Variants in FAM169A observed in about 807,000 individuals in gnomAD.
FAM169A encodes soluble lamin-associated protein of 75 kDa.
In FAM169A, 24 loss-of-function variants were observed where a neutral mutation model predicts 75.7. The ratio of observed to expected loss-of-function variants is 0.32; its 90% CI spans 0.23 to 0.45. The LOEUF is 0.45. Among genes scored for constraint, FAM169A ranks in the 20% least tolerant of loss-of-function variants. FAM169A has a pLI of 1.00. For synonymous variants in FAM169A, 271 were observed against 271.0 expected, an observed-to-expected ratio of 1.00 and a Z score of 0.00; for missense variants, 673 against 784.0, an observed-to-expected ratio of 0.86 and a Z score of 1.69.
chr5:74,853,701 A>ATTTTTTTTTTTTTTT, intron 1 of FAM169A, among the ~76,000 whole-genome samples: 1 of 110,188 alleles, frequency 9.1e-6, no homozygotes. Context: ...CATCTTCAGA[A>ATTTTTTTTTTTTTTT]TTTTTTTTTT....
intron 5 of FAM169A, among the ~76,000 whole-genome samples, chr5:74,821,706 G>A (rs968325088): frequency 1.3e-5 from 2 of 152,154 alleles, no homozygotes; most frequent in African/African-American, 2.4e-5. Flanking sequence ...ACAGTTACAC[G>A]TTCCTGGGAA....
Position 74,842,112 on chromosome 5 carries a change from CA to C in FAM169A, c.-3-434del, listed in dbSNP as rs1216791773. ...GATAGCTGCACAACCCTATAAATTT[CA>C]AAAAAAAAAAAATCTAAAAAAAATC... is the stretch of plus-strand genomic sequence containing the variant. On this transcript the variant is annotated intron_variant, in intron 1 of 12. Coordinates refer to ENST00000687041, the MANE Select transcript of FAM169A (RefSeq NM_001376049.1). 5.7e-3 allele frequency among the ~76,000 whole-genome samples: 795 copies of C among 138,590 alleles called. 4 individuals carry two copies. The highest frequency in any genetic ancestry group is 0.015 in the Middle Eastern group (4 of 270). The allele number at this position is 138,590 out of a possible 152,430, so 90.9% of individuals were successfully genotyped here. A position where few individuals can be genotyped will look rare whatever the true frequency, so the allele number is the denominator to read the frequency against.
intron 1 of FAM169A, among the ~76,000 whole-genome samples, chr5:74,842,817 A>AC (rs1387667672): frequency 6.9e-6 from 1 of 145,560 alleles, no homozygotes; most frequent in African/African-American, 2.6e-5. Context: ...ATATAACATT[A>AC]TGTAGGCAAT....
chr5:74,819,581 A>G (rs1747665161), intron 5 of FAM169A, among the ~76,000 whole-genome samples: 1 of 152,214 alleles, frequency 6.6e-6, no homozygotes, highest in African/African-American at 2.4e-5. Flanking sequence ...GACATGTCCA[A>G]ACAACAACTT....
intron 11 of FAM169A, among the ~76,000 whole-genome samples, chr5:74,784,812 G>C (rs375272137): frequency 2.0e-5 from 3 of 150,444 alleles, no homozygotes; most frequent in Non-Finnish European, 3.0e-5. Context: ...CCAGCTACTC[G>C]GGAGGCTGAG....
intron 11 of FAM169A, among the ~76,000 whole-genome samples, chr5:74,788,201 T>TG (rs1229407767): frequency 6.6e-6 from 1 of 152,220 alleles, no homozygotes; most frequent in Non-Finnish European, 1.5e-5. Context: ...GGTAATCTAA[T>TG]GGAGTTTTAG....
intron 10 of FAM169A, among the ~76,000 whole-genome samples, chr5:74,797,520 A>C (rs537345848): frequency 1.5e-4 from 23 of 152,316 alleles, no homozygotes; most frequent in Admixed American, 1.4e-3. Context: ...AGTTATCCTT[A>C]GCAACATCCC....
At position 74,804,512 on chromosome 5, in the gene FAM169A, G is replaced by T. The variant is rs766649164; in HGVS notation, c.893C>A (p.Ser298Tyr). 1 of 1,595,870 alleles carries T rather than the reference G, an allele frequency of 6.3e-7. No homozygotes were observed. Among genetic ancestry groups the T allele is most frequent in the African/African-American group, 1.3e-5 (1 of 74,672 alleles). ...EYEARTEDNQSSEMQLTIDSL... is the reference protein window; with the variant it reads ...EYEARTEDNQYSEMQLTIDSL... The stretch of plus-strand genomic sequence containing the variant: ...ACCTACAGTTAGCTGCATCTCACTA[G>T]ACTGATTGTCTTCAGTTCTTGCTTC... The change falls in exon 8 of 13, where the codon TCT becomes TAT. Residue 298 changes from serine (S) to tyrosine (Y), a missense_variant. Coordinates refer to ENST00000687041, the MANE Select transcript of FAM169A (RefSeq NM_001376049.1).
At chr5:74,790,316 A>C (rs768111688) in intron 11 of FAM169A, among the ~76,000 whole-genome samples, 5 of 152,222 alleles carry the variant, frequency 3.3e-5, no homozygotes, top group Admixed American at 3.3e-4. Context: ...TGGTGAAGGA[A>C]AATCTTCCCA....
rs182095414 is a variant in FAM169A, at chr5:74,796,747, A to G, written c.1104-561T>C. Among the ~76,000 whole-genome samples, 548 of 151,528 alleles carry G rather than the reference A, an allele frequency of 3.6e-3. 6 individuals carry two copies. The highest frequency in any genetic ancestry group is 0.013 in the African/African-American group (526 of 41,244). ...TTAACCTCATTTATACTGAAGGACCATGGATCTTATTCTATTAGAATGAGC... is the reference window on the plus strand; with the variant it reads ...TTAACCTCATTTATACTGAAGGACCGTGGATCTTATTCTATTAGAATGAGC... On this transcript the variant is annotated intron_variant, in intron 10 of 12. Transcript: ENST00000687041.
chr5:74,790,591 A>G (rs1745925103), intron 11 of FAM169A, among the ~76,000 whole-genome samples: 1 of 152,176 alleles, frequency 6.6e-6, no homozygotes, highest in Non-Finnish European at 1.5e-5. Flanking sequence ...GAGGATTTTA[A>G]TAATCGAGTG....
intron 1 of FAM169A, chr5:74,865,904 C>G (rs1750308404): frequency 6.6e-6 from 1 of 152,206 alleles, no homozygotes; most frequent in Non-Finnish European, 1.5e-5. Context: ...AAAATGGTGG[C>G]GCCGAGGCGG....
intron 10 of FAM169A, chr5:74,799,637 G>A: frequency 1.4e-6 from 2 of 1,385,024 alleles, no homozygotes; most frequent in Non-Finnish European, 2.1e-6. Flanking sequence ...TTCTCCGCCA[G>A]TGGGAGCCAC....
chr5:74,784,509 T>TAAAA (rs1745572111), intron 11 of FAM169A, among the ~76,000 whole-genome samples: 4 of 28,774 alleles, frequency 1.4e-4, no homozygotes, highest in African/African-American at 5.9e-4. Flanking sequence ...AGACTCCGTC[T>TAAAA]CAAAAAAAAA....
rs768723539 is a variant in FAM169A at position 74,796,212 on chromosome 5, G to A, written c.1104-26C>T. The A allele has an allele frequency of 2.5e-6, 4 of 1,582,248 alleles. No homozygotes were observed. In the South Asian group the frequency reaches 3.5e-5, roughly 14 times the overall value. On this transcript the variant is annotated intron_variant, in intron 10 of 12. Coordinates refer to ENST00000687041, the MANE Select transcript of FAM169A (RefSeq NM_001376049.1). ...CTAAAAAACAAAAGAAAACCATTCT[G>A]ACTTGTTTTATTAAGGATAAATATA...
intron 2 of FAM169A, among the ~76,000 whole-genome samples, chr5:74,840,654 C>A (rs1392163874): frequency 1.3e-5 from 2 of 151,436 alleles, no homozygotes; most frequent in South Asian, 4.2e-4. Context: ...ACAGTGAAAC[C>A]CCATCTTTAC....
intron 1 of FAM169A, among the ~76,000 whole-genome samples, chr5:74,842,810 T>C (rs1388219848): frequency 6.7e-6 from 1 of 148,502 alleles, no homozygotes; most frequent in East Asian, 2.0e-4. Flanking sequence ...CACTACTATA[T>C]AACATTATGT....
In FAM169A at chr5:74,780,698, T is replaced by A. The variant is rs761916633; in HGVS notation, c.*762A>T. On this transcript the variant is annotated 3_prime_UTR_variant, in exon 13 of 13. Transcript: ENST00000687041. ...CTAAACTTCTAGGCGTCTGCACATA[T>A]GCAGACAAAAAAAATTACAGCAAAC... 6.6e-6 allele frequency: 1 copy of A among 152,160 alleles called. No homozygotes were observed. The highest frequency in any genetic ancestry group is 1.5e-5 in the Non-Finnish European group (1 of 68,018). The allele number at this position is 152,160 out of a possible 1,614,324, so 9.4% of individuals were successfully genotyped here.
At chr5:74,802,315 T>C (rs1180836891) in intron 8 of FAM169A, among the ~76,000 whole-genome samples, 1 of 149,472 alleles carries the variant, frequency 6.7e-6, no homozygotes, top group Admixed American at 6.6e-5. Flanking sequence ...TCTAATCACA[T>C]CCCATCTACA....
Sources: gnomAD v4.1 joint callset for allele counts (sites outside exome capture counted in the v4.1 genomes callset) on GRCh38, gnomAD v4.1.1 for gene constraint, MANE v1.5 for transcripts, NCBI Gene and HGNC (gene_info 2026-07-23, HGNC 2026-07-21) for gene names.